MSH4: variants seen among roughly 807,000 people sequenced by gnomAD.
MSH4 encodes mutS protein homolog 4.
A neutral mutation model predicts 113.7 loss-of-function variants in MSH4; 106 were observed. The ratio of observed to expected loss-of-function variants is 0.93; its 90% CI spans 0.80 to 1.10. MSH4 has a LOEUF of 1.10. MSH4 is among the 50% of genes least tolerant of loss of function. The pLI is 0.00. For synonymous variants in MSH4, 368 were observed against 380.2 expected (o/e 0.97, Z 0.37); for missense variants, 1,061 against 1,093.7 (o/e 0.97, Z 0.42).
chr1:75,888,986 C>G (rs5745498), intron 15 of MSH4, among the ~76,000 whole-genome samples: 1 of 151,556 alleles, frequency 6.6e-6, no homozygotes, highest in Non-Finnish European at 1.5e-5. Context: ...GCTCCGCCTC[C>G]CGGGTTCACG....
At position 75,897,999 on chromosome 1, in the gene MSH4, T is replaced by A. The variant is rs758987664; in HGVS notation, c.2448T>A (p.His816Gln). The A allele has an allele frequency of 1.9e-6, 3 of 1,608,188 alleles. No individual in the cohort carries two copies. Among genetic ancestry groups the A allele is most frequent in the Non-Finnish European group, 1.7e-6 (2 of 1,176,788 alleles). Residue 816 changes from histidine (H) to glutamine (Q), a missense_variant, in exon 18 of 20, where the codon CAT becomes CAA. Transcript: ENST00000263187. ...AAAACATGCATTTTGAAGTTCAACATGTAAAGAATACCTCAAGAAATAAAG... is the reference window on the plus strand; with the variant it reads ...AAAACATGCATTTTGAAGTTCAACAAGTAAAGAATACCTCAAGAAATAAAG... Reference protein sequence around the residue: ...NVENMHFEVQHVKNTSRNKEA... With the variant: ...NVENMHFEVQQVKNTSRNKEA...
In MSH4 at chr1:75,867,604, G is replaced by A. The variant is rs1651615406; in HGVS notation, c.1305+16G>A. 3 of 1,476,132 alleles carry A rather than the reference G, an allele frequency of 2.0e-6. No homozygotes were observed. The highest frequency in any genetic ancestry group is 2.8e-6 in the Non-Finnish European group (3 of 1,079,572). 91.4% of individuals were successfully genotyped at this position (1,476,132 alleles called of 1,614,324 possible). ...TCCTTTAAAGGTAATTTATGTGTGT[G>A]TATCGTACAAAACATGTCCAGCATT... On this transcript the variant is annotated intron_variant, in intron 9 of 19. Transcript: ENST00000263187.
At chr1:75,827,664 CA>C (rs201976546) in intron 7 of MSH4, among the ~76,000 whole-genome samples, 9,325 of 118,294 alleles carry the variant, frequency 0.079, 425 homozygotes, top group Middle Eastern at 0.15. Context: ...AAATGGAAAG[CA>C]AAAAAAAAAA....
chr1:75,892,130 G>C (rs1309491136), intron 17 of MSH4, among the ~76,000 whole-genome samples: 1 of 152,146 alleles, frequency 6.6e-6, no homozygotes, highest in South Asian at 2.1e-4. Flanking sequence ...GCCTTCCAAT[G>C]AGTAAGAGGA....
chr1:75,838,056 A>T (rs1650870626), intron 7 of MSH4, among the ~76,000 whole-genome samples: 1 of 152,186 alleles, frequency 6.6e-6, no homozygotes, highest in Non-Finnish European at 1.5e-5. Flanking sequence ...TTGATATAAA[A>T]CATCACCACA....
intron 7 of MSH4, among the ~76,000 whole-genome samples, chr1:75,837,396 T>C (rs952579998): frequency 6.4e-4 from 96 of 148,958 alleles, no homozygotes; most frequent in African/African-American, 2.4e-3. Context: ...CTTTTTTTTT[T>C]TTTTTTTTTT....
At chr1:75,905,929 C>T (rs1652618448) in intron 19 of MSH4, among the ~76,000 whole-genome samples, 1 of 152,010 alleles carries the variant, frequency 6.6e-6, no homozygotes. Flanking sequence ...TACTTTTAGT[C>T]TAGTATGACT....
chr1:75,839,064 C>T (rs1650894075), intron 7 of MSH4, among the ~76,000 whole-genome samples: 1 of 151,874 alleles, frequency 6.6e-6, no homozygotes, highest in Non-Finnish European at 1.5e-5. Context: ...CTGTTATTCC[C>T]AAGACAATAC....
At chr1:75,886,776 A>T (rs1652131732) in intron 15 of MSH4, among the ~76,000 whole-genome samples, 1 of 140,882 alleles carries the variant, frequency 7.1e-6, no homozygotes, top group Non-Finnish European at 1.5e-5. Flanking sequence ...GTATATAGTT[A>T]TTATACCTTA....
In MSH4 at chr1:75,837,478, C is replaced by T. The variant is rs1057050760; in HGVS notation, c.1163-10731C>T. Among the ~76,000 whole-genome samples, 11 of 150,766 alleles carry T rather than the reference C, an allele frequency of 7.3e-5. 1 individual carries two copies. The highest frequency in any genetic ancestry group is 3.4e-3 in the Middle Eastern group (1 of 294). On this transcript the variant is annotated intron_variant, in intron 7 of 19. Coordinates refer to ENST00000263187, the MANE Select transcript of MSH4 (RefSeq NM_002440.4). ...CTCAGCTCACTACAACCTCTGCCTC[C>T]CAGGTTCAAGTGATTCTCTTGCCTC...
chr1:75,883,659 G>A lies in MSH4; in HGVS notation c.1945G>A (p.Gly649Arg), dbSNP rs1651983933. The A allele has an allele frequency of 5.0e-6, 8 of 1,612,790 alleles. No individual in the cohort carries two copies. The highest frequency in any genetic ancestry group is 6.8e-6 in the Non-Finnish European group (8 of 1,179,512). The change falls in exon 15 of 20, where the codon GGA becomes AGA. Residue 649 changes from glycine to arginine, a missense_variant. Gly to Arg is a moderately radical substitution (Grantham distance 125). Coordinates refer to ENST00000263187, the MANE Select transcript of MSH4 (RefSeq NM_002440.4). ...EFTDTLAIKQ[G>R]WHPILEKISA... ...TACTGATACTTTAGCAATCAAACAG[G>A]GATGGCATCCTATTCTTGAAAAAAT...
chr1:75,804,839 ATTTG>A (rs1157725115), intron 2 of MSH4, among the ~76,000 whole-genome samples: 6 of 148,836 alleles, frequency 4.0e-5, no homozygotes, highest in Non-Finnish European at 8.9e-5. Context: ...TTTTATTTTT[ATTTG>A]TTTGAGATGG....
chr1:75,874,582 G>A (rs1651777070), intron 9 of MSH4, among the ~76,000 whole-genome samples: 1 of 152,108 alleles, frequency 6.6e-6, no homozygotes, highest in African/African-American at 2.4e-5. Flanking sequence ...TCATCCTCCT[G>A]AGTCACTGGG....
chr1:75,842,136 G>A (rs193042457), intron 7 of MSH4, among the ~76,000 whole-genome samples: 4 of 152,108 alleles, frequency 2.6e-5, no homozygotes, highest in South Asian at 2.1e-4. Context: ...CAAAGCAGGC[G>A]GTGGGACTTC....
chr1:75,907,682 C>CATATATATA (rs1652690513), intron 19 of MSH4, among the ~76,000 whole-genome samples: 1 of 69,178 alleles, frequency 1.4e-5, no homozygotes, highest in Non-Finnish European at 2.6e-5. Context: ...CTCTCTCTCT[C>CATATATATA]TCTATACATA....
intron 17 of MSH4, among the ~76,000 whole-genome samples, chr1:75,897,133 G>C (rs925658768): frequency 1.3e-5 from 2 of 152,038 alleles, no homozygotes; most frequent in African/African-American, 4.8e-5. Flanking sequence ...ATCTCTATCT[G>C]CCTTAGTAAA....
intron 2 of MSH4, among the ~76,000 whole-genome samples, chr1:75,806,235 GTTTTTTTTTTTTT>G (rs775023850): frequency 1.5e-4 from 9 of 60,778 alleles, no homozygotes; most frequent in Admixed American, 8.1e-4. Context: ...TTTCTGTTTG[GTTTTTTTTTTTTT>G]TTTTTTTTTT....
chr1:75,909,935 A>G (rs1174374587), intron 19 of MSH4, among the ~76,000 whole-genome samples: 1 of 152,012 alleles, frequency 6.6e-6, no homozygotes, highest in East Asian at 1.9e-4. Context: ...TGACTTTCAG[A>G]CAGAAGGTTA....
At chr1:75,900,946 G>A (rs183472838) in intron 19 of MSH4, among the ~76,000 whole-genome samples, 21 of 152,036 alleles carry the variant, frequency 1.4e-4, no homozygotes, top group East Asian at 9.7e-4. Flanking sequence ...AAAAATATTC[G>A]AAACAAGCTA....
Sources: allele counts gnomAD v4.1 joint callset (sites outside exome capture counted in the v4.1 genomes callset), GRCh38; gene constraint gnomAD v4.1.1; transcripts MANE v1.5; gene names NCBI Gene and HGNC (gene_info 2026-07-23, HGNC 2026-07-21).